Variants in RASGRF2 observed in about 807,000 individuals in gnomAD.
RASGRF2 encodes Ras protein specific guanine nucleotide releasing factor 2.
A neutral mutation model predicts 151.0 loss-of-function variants in RASGRF2; 76 were observed. That is an observed-to-expected ratio of 0.50 (90% CI 0.42 to 0.61). RASGRF2 has a LOEUF of 0.61. RASGRF2 is among the 20% of genes least tolerant of loss of function. RASGRF2 has a pLI of 0.00. For synonymous variants in RASGRF2, 504 were observed against 566.5 expected (o/e 0.89, Z 1.57); for missense variants, 1,148 against 1,564.6 (o/e 0.73, Z 4.49).
chr5:81,028,737 G>A (rs577622703), intron 1 of RASGRF2, among the ~76,000 whole-genome samples: 7 of 152,200 alleles, frequency 4.6e-5, no homozygotes, highest in African/African-American at 1.4e-4. Context: ...CAGGGTGAGC[G>A]ACGCAGAAGA....
intron 12 of RASGRF2, among the ~76,000 whole-genome samples, chr5:81,108,360 A>G (rs990064655): frequency 1.3e-5 from 2 of 152,224 alleles, no homozygotes; most frequent in African/African-American, 4.8e-5. Context: ...CCTCTTGGAA[A>G]AGAGAAAAAG....
intron 25 of RASGRF2, among the ~76,000 whole-genome samples, chr5:81,219,485 C>T (rs1308870814): frequency 6.6e-6 from 1 of 152,128 alleles, no homozygotes; most frequent in African/African-American, 2.4e-5. Context: ...GCCAGCTGTT[C>T]CCCAGTTTTG....
intron 26 of RASGRF2, among the ~76,000 whole-genome samples, chr5:81,224,986 ACTAT>A (rs36133062): frequency 0.069 from 10,570 of 152,260 alleles, 439 homozygotes; most frequent in South Asian, 0.1. Flanking sequence ...AACAGATCAA[ACTAT>A]CTATTTCACT....
chr5:81,195,200 C>A (rs1033041720), intron 18 of RASGRF2, among the ~76,000 whole-genome samples: 1 of 152,198 alleles, frequency 6.6e-6, no homozygotes, highest in Non-Finnish European at 1.5e-5. Context: ...CAGGGGCCCG[C>A]GCCAGAGCCA....
At chr5:81,219,860 C>A (rs1755821515) in intron 26 of RASGRF2, 82 bp downstream of exon 26, 2 of 1,086,230 alleles carry the variant, frequency 1.8e-6, no homozygotes, top group South Asian at 1.6e-5. Context: ...AAAGTTGATC[C>A]AAAATACCAA....
chr5:81,019,956 C>T (rs1318416162), intron 1 of RASGRF2, among the ~76,000 whole-genome samples: 2 of 152,202 alleles, frequency 1.3e-5, no homozygotes, highest in South Asian at 2.1e-4. Flanking sequence ...TGCAAAGCTG[C>T]AGAAGCTTAA....
intron 18 of RASGRF2, among the ~76,000 whole-genome samples, chr5:81,194,963 T>C (rs1051671128): frequency 2.0e-5 from 3 of 152,242 alleles, no homozygotes; most frequent in Admixed American, 1.3e-4. Flanking sequence ...TGCGCCACCT[T>C]TGAGAGCAGG....
intron 3 of RASGRF2, among the ~76,000 whole-genome samples, chr5:81,068,892 C>T (rs1413560019): frequency 1.3e-5 from 2 of 152,192 alleles, no homozygotes; most frequent in Non-Finnish European, 2.9e-5. Context: ...GCTGTCCTAT[C>T]CTTCCTCATG....
intron 2 of RASGRF2, among the ~76,000 whole-genome samples, chr5:81,053,785 C>T (rs1015571105): frequency 5.3e-5 from 8 of 152,136 alleles, no homozygotes; most frequent in Admixed American, 4.6e-4. Flanking sequence ...TCTCCAGCAC[C>T]TGTTGTTTCC....
At chr5:81,195,571 GA>G (rs1755245874) in intron 18 of RASGRF2, among the ~76,000 whole-genome samples, 3 of 126,900 alleles carry the variant, frequency 2.4e-5, no homozygotes, top group Non-Finnish European at 4.9e-5. Flanking sequence ...TTTTTTTTGT[GA>G]CCTTTTTTTT....
intron 1 of RASGRF2, among the ~76,000 whole-genome samples, chr5:81,003,439 G>T (rs1487169110): frequency 1.3e-5 from 2 of 152,086 alleles, no homozygotes; most frequent in Non-Finnish European, 2.9e-5. Context: ...TAGCCAGGAT[G>T]GTCTCGATCT....
chr5:81,219,898 A>C, intron 26 of RASGRF2, 120 bp downstream of exon 26: 1 of 653,926 alleles, frequency 1.5e-6, no homozygotes, highest in Non-Finnish European at 2.5e-6. Context: ...AGACCAGTAA[A>C]ATAGAAAATC....
At position 81,080,889 on chromosome 5, in the gene RASGRF2, G is replaced by A. The variant is rs77585820; in HGVS notation, c.1161+100G>A. On this transcript the variant is annotated intron_variant, in intron 7 of 26. Coordinates refer to ENST00000265080, the MANE Select transcript of RASGRF2 (RefSeq NM_006909.3). ...GAGATGCTTAAGTGTGCCCTGGGAG[G>A]AATTATGGCACAGATGTACCATCTG... The A allele has an allele frequency of 8.2e-3, 8,851 of 1,077,598 alleles. 266 individuals carry two copies. In the Admixed American group the frequency reaches 0.082, roughly 10 times the overall value. The allele number at this position is 1,077,598 out of a possible 1,614,324, so 66.8% of individuals were successfully genotyped here.
intron 15 of RASGRF2, among the ~76,000 whole-genome samples, chr5:81,118,130 A>T (rs1753208835): frequency 6.6e-6 from 1 of 151,926 alleles, no homozygotes; most frequent in South Asian, 2.1e-4. Flanking sequence ...CAATGGCCTC[A>T]CTCTCATGGC....
chr5:81,032,977 A>C (rs919445169), intron 1 of RASGRF2, among the ~76,000 whole-genome samples: 1 of 152,200 alleles, frequency 6.6e-6, no homozygotes, highest in African/African-American at 2.4e-5. Context: ...ATGTGCAAAA[A>C]TCACAAGCAT....
In RASGRF2 at chr5:81,218,911, A is replaced by G. The variant is rs138941995; in HGVS notation, c.3553-799A>G. ...TGTAATTTTCACCAGTGTTTTGTAG[A>G]GGTCTTTCGATTCCTTGGTTAGGTA... On this transcript the variant is annotated intron_variant, in intron 25 of 26. Coordinates refer to ENST00000265080, the MANE Select transcript of RASGRF2 (RefSeq NM_006909.3). Among the ~76,000 whole-genome samples the G allele has an allele frequency of 8.8e-3, 1,333 of 152,160 alleles. 21 individuals carry two copies. The highest frequency in any genetic ancestry group is 0.029 in the African/African-American group (1,216 of 41,500).
rs114451763 is a variant in RASGRF2, at chr5:81,075,996, A to G, written c.887+2544A>G. 4.8e-3 allele frequency among the ~76,000 whole-genome samples: 732 copies of G among 152,328 alleles called. 5 individuals are homozygous for G. The highest frequency in any genetic ancestry group is 0.017 in the African/African-American group (689 of 41,586). On this transcript the variant is annotated intron_variant, in intron 5 of 26. Transcript: ENST00000265080. ...GTGAAGAGGATCCTTTGAGTTGTCA[A>G]TGAAAACCAGAAGAGTGAGTTGTCC...
chr5:81,094,879 G>T lies in RASGRF2; in HGVS notation c.1642G>T (p.Gly548Trp), dbSNP rs1385468033. The part of the protein sequence containing the change: ...DDSKGSGQVF[G>W]HLDFKIVVEP... ...AGCTAAAGGTTCTGGGCAAGTGTTT[G>T]GGCACCTGGATTTTAAAATAGTGGT... Residue 548 changes from glycine to tryptophan, a missense_variant, in exon 12 of 27, where the codon GGG (glycine) becomes TGG (tryptophan). By Grantham distance (184) the Gly-to-Trp change is radical. Around this residue, in one of 5 missense-constraint regions of RASGRF2, gnomAD observed 646 missense variants for 807.4 expected, o/e 0.80. Coordinates refer to ENST00000265080, the MANE Select transcript of RASGRF2 (RefSeq NM_006909.3). 1 of 1,603,010 alleles carries T rather than the reference G, an allele frequency of 6.2e-7. No individual in the cohort carries two copies. The highest frequency in any genetic ancestry group is 2.2e-5 in the East Asian group (1 of 44,554).
rs116613290 is a variant in RASGRF2, at chr5:81,184,352, G to C, written c.2793+4071G>C. On this transcript the variant is annotated intron_variant, in intron 18 of 26. Coordinates refer to ENST00000265080, the MANE Select transcript of RASGRF2 (RefSeq NM_006909.3). ...ACCACATGTTCCCGTGATTGCTTTT[G>C]TCCTCTGCGCGCAGACAGATGGATG... Among the ~76,000 whole-genome samples, 941 of 152,310 alleles carry C rather than the reference G, an allele frequency of 6.2e-3. 12 individuals carry two copies. The highest frequency in any genetic ancestry group is 0.021 in the African/African-American group (892 of 41,560).
Sources: gnomAD v4.1 joint callset for allele counts (sites outside exome capture counted in the v4.1 genomes callset) on GRCh38, gnomAD v4.1.1 for gene constraint, gnomAD v4.1.1 regional missense constraint, MANE v1.5 for transcripts, NCBI Gene and HGNC (gene_info 2026-07-23, HGNC 2026-07-21) for gene names.